EPS8L3: variants seen among roughly 807,000 people sequenced by gnomAD.
EPS8L3 encodes the protein epidermal growth factor receptor kinase substrate 8-like protein 3.
EPS8L3 carries 80 observed loss-of-function variants against 88.5 expected under a neutral mutation model. The observed-to-expected ratio is 0.90, with a 90% CI of 0.75 to 1.09. The LOEUF (loss-of-function observed/expected upper bound fraction) is 1.09, where lower values mean the gene tolerates loss of function less well. Among genes scored for constraint, EPS8L3 ranks in the 50% least tolerant of loss-of-function variants. EPS8L3 has a pLI of 0.00. For synonymous variants in EPS8L3, 286 were observed against 291.0 expected (o/e 0.98, Z 0.18); for missense variants, 721 against 735.2 (o/e 0.98, Z 0.22).
At position 109,758,380 on chromosome 1, in the gene EPS8L3, G is replaced by C. The variant is rs758638243; in HGVS notation, c.653C>G (p.Pro218Arg). 3.7e-6 allele frequency: 6 copies of C among 1,613,104 alleles called. No homozygotes were observed. The highest frequency in any genetic ancestry group is 4.2e-6 in the Non-Finnish European group (5 of 1,179,640). Residue 218 changes from proline (P) to arginine (R), a missense_variant, in exon 8 of 19, where the codon CCA becomes CGA. Transcript: ENST00000361965. Reference sequence around the variant, plus strand: ...TGGAGGAGGCAGAGTAAAGGCACTTGGTTCTCGGGCACTGGTGTGGCGTGG... The same window carrying C: ...TGGAGGAGGCAGAGTAAAGGCACTTCGTTCTCGGGCACTGGTGTGGCGTGG... ...PLPRHTSAREPSAFTLPPPRR... is the reference protein window; with the variant it reads ...PLPRHTSARERSAFTLPPPRR...
Position 109,759,899 on chromosome 1 carries a change from C to T in EPS8L3, c.97-63G>A. 6.4e-7 allele frequency: 1 copy of T among 1,561,078 alleles called. No homozygotes were observed. The highest frequency in any genetic ancestry group is 8.7e-7 in the Non-Finnish European group (1 of 1,145,980). ...CTCAGAGAGGTGGACCACAGGCGTG[C>T]TGGGTAGAGAAAAGCAGAAGAGGAA... is the stretch of plus-strand genomic sequence containing the variant. On this transcript the variant is annotated intron_variant, in intron 3 of 18. Coordinates refer to ENST00000361965, the MANE Select transcript of EPS8L3 (RefSeq NM_133181.4). The surrounding 1 kb of genome is among the most constrained non-coding windows in gnomAD (Gnocchi z 4.2).
intron 10 of EPS8L3, 121 bp from the exon 11 acceptor site, chr1:109,757,676 G>T: frequency 7.2e-7 from 1 of 1,390,952 alleles, no homozygotes; most frequent in South Asian, 1.2e-5. Flanking sequence ...CAAGAGGGGA[G>T]GGGAGGTTCT....
At chr1:109,757,419 C>T in intron 11 of EPS8L3, 62 bp downstream of exon 11, 2 of 1,507,864 alleles carry the variant, frequency 1.3e-6, no homozygotes, top group Non-Finnish European at 1.8e-6. Flanking sequence ...CTCCTTTCCT[C>T]TCTCTACTCC....
In EPS8L3 at chr1:109,759,034, A is replaced by G. The variant is rs1650607130; in HGVS notation, c.461+28T>C. On this transcript the variant is annotated intron_variant, in intron 6 of 18. Transcript: ENST00000361965. The surrounding 1 kb of genome is among the most constrained non-coding windows in gnomAD (Gnocchi z 4.2). ...CCCCGAGGCTGAGCTGGGAGGCCCC[A>G]TAGGTGGGCTGGGCAGAGGCTGCCT... 3.8e-6 allele frequency: 6 copies of G among 1,581,074 alleles called. No homozygotes were observed. The highest frequency in any genetic ancestry group is 1.3e-5 in the African/African-American group (1 of 74,546).
At chr1:109,755,614 G>GA (rs1167364019) in intron 12 of EPS8L3, among the ~76,000 whole-genome samples, 3 of 152,042 alleles carry the variant, frequency 2.0e-5, no homozygotes, top group Non-Finnish European at 4.4e-5. Context: ...AGACCAGCCT[G>GA]AGCAACATGG....
At chr1:109,755,848 A>G (rs990734201) in intron 12 of EPS8L3, among the ~76,000 whole-genome samples, 1 of 152,166 alleles carries the variant, frequency 6.6e-6, no homozygotes, top group African/African-American at 2.4e-5. Flanking sequence ...TTATTAGGCA[A>G]ATAACTCCAA....
Position 109,750,397 on chromosome 1 carries a change from GC to G in EPS8L3, c.1775del (p.Ser592ThrfsTer22), listed in dbSNP as rs771352122. The G allele has an allele frequency of 6.8e-5, 109 of 1,613,766 alleles. No individual in the cohort carries two copies. Among genetic ancestry groups the G allele is most frequent in the Non-Finnish European group, 9.3e-6 (11 of 1,179,884 alleles). On this transcript the variant is annotated frameshift_variant, in exon 19 of 19. Transcript: ENST00000361965. LOFTEE classifies it high-confidence loss of function. The stretch of plus-strand genomic sequence containing the variant: ...GAGGTGTCTAAGCTGGTGCCTAAGG[GC>G]TTATCTGAGGAAAGACAAAGATTCA... ...LEAVRRMLGI[S>X]P
chr1:109,757,988 G>A lies in EPS8L3; in HGVS notation c.788C>T (p.Thr263Ile). The A allele has an allele frequency of 1.2e-6, 2 of 1,614,146 alleles. No homozygotes were observed. The highest frequency in any genetic ancestry group is 8.5e-7 in the Non-Finnish European group (1 of 1,180,026). ...MGKLEKAQAKTSRKKKFGKKN... is the reference protein window; with the variant it reads ...MGKLEKAQAKISRKKKFGKKN... The stretch of plus-strand genomic sequence containing the variant: ...TTTCCCAAATTTCTTCTTCCTGCTG[G>A]TCTTTGCCTGGGCCTTCTCCAGCTT... Residue 263 changes from threonine to isoleucine, a missense_variant, in exon 9 of 19, where the codon ACC becomes ATC. Thr to Ile is a moderately conservative substitution (Grantham distance 89). Transcript: ENST00000361965.
chr1:109,750,144 A>G lies in EPS8L3; in HGVS notation c.*247T>C. The stretch of plus-strand genomic sequence containing the variant: ...GAACAGATTCTTGACAAGCCTAGGC[A>G]TAAATGCTCCAGGTTTGGGAAAGAG... On this transcript the variant is annotated 3_prime_UTR_variant, in exon 19 of 19. Coordinates refer to ENST00000361965, the MANE Select transcript of EPS8L3 (RefSeq NM_133181.4). 1 of 580,692 alleles carries G rather than the reference A, an allele frequency of 1.7e-6. No homozygotes were observed. The highest frequency in any genetic ancestry group is 3.1e-6 in the Non-Finnish European group (1 of 325,984). The allele number at this position is 580,692 out of a possible 1,614,324, so 36.0% of individuals were successfully genotyped here.
chr1:109,755,336 A>G (rs1161950101), intron 12 of EPS8L3, among the ~76,000 whole-genome samples: 3 of 152,228 alleles, frequency 2.0e-5, no homozygotes, highest in Non-Finnish European at 4.4e-5. Context: ...GGTGGCACAC[A>G]TTGTTAATGA....
At chr1:109,758,769 G>T in intron 6 of EPS8L3, 106 bp from the exon 7 acceptor site, 1 of 1,394,814 alleles carries the variant, frequency 7.2e-7, no homozygotes, top group Non-Finnish European at 9.6e-7. Context: ...CTCTCTCCAG[G>T]AGTCCCACCC....
chr1:109,760,110 G>A (rs975449907), intron 3 of EPS8L3, among the ~76,000 whole-genome samples: 8 of 152,150 alleles, frequency 5.3e-5, no homozygotes, highest in Admixed American at 3.9e-4. Context: ...GCCTTTACTA[G>A]TCCAGGCCAG....
At chr1:109,763,567 A>G (rs566224447) in intron 1 of EPS8L3, among the ~76,000 whole-genome samples, 58 of 152,186 alleles carry the variant, frequency 3.8e-4, no homozygotes, top group African/African-American at 1.4e-3. Flanking sequence ...AGGGGTTTGG[A>G]GCAGGGAAGG....
At chr1:109,761,901 C>T in intron 1 of EPS8L3, 128 bp from the exon 2 acceptor site, 1 of 765,444 alleles carries the variant, frequency 1.3e-6, no homozygotes, top group South Asian at 1.6e-5. Context: ...CCCCTGGCTC[C>T]AGGGGCCCTT....
chr1:109,760,196 C>T (rs1002214827), intron 3 of EPS8L3, among the ~76,000 whole-genome samples: 3 of 152,134 alleles, frequency 2.0e-5, no homozygotes, highest in Admixed American at 2.0e-4. Flanking sequence ...ATACAGGACC[C>T]TCAGATTCTG....
Position 109,750,654 on chromosome 1 carries a change from C to A in EPS8L3, c.1770+6G>T. The A allele has an allele frequency of 6.2e-7, 1 of 1,614,138 alleles. No homozygotes were observed. Among genetic ancestry groups the A allele is most frequent in the South Asian group, 1.1e-5 (1 of 91,078 alleles). ...AATGGTTGTCAGGACCCCAGGGTGT[C>A]CTCACCCCCAGCATCCTTCTGACAG... On this transcript the variant is annotated splice_donor_region_variant and intron_variant, in intron 18 of 18. Coordinates refer to ENST00000361965, the MANE Select transcript of EPS8L3 (RefSeq NM_133181.4).
At chr1:109,757,640 G>A in intron 10 of EPS8L3, 85 bp from the exon 11 acceptor site, 1 of 1,454,078 alleles carries the variant, frequency 6.9e-7, no homozygotes, top group East Asian at 2.4e-5. Context: ...TGCCTTGGCT[G>A]GAAGGCTGGC....
intron 12 of EPS8L3, among the ~76,000 whole-genome samples, chr1:109,756,013 C>G (rs7537620): frequency 6.6e-6 from 1 of 152,170 alleles, no homozygotes; most frequent in African/African-American, 2.4e-5. Context: ...TTGCCAAGGC[C>G]CTTGCCTCTT....
At chr1:109,758,129 C>G (rs1024234148) in intron 8 of EPS8L3, 71 bp from the exon 9 acceptor site, 5 of 1,418,654 alleles carry the variant, frequency 3.5e-6, no homozygotes, top group Middle Eastern at 4.4e-4. Context: ...CACTGCCCCC[C>G]GCACCCCTCC....
Sources: allele counts gnomAD v4.1 joint callset (sites outside exome capture counted in the v4.1 genomes callset), GRCh38; gene constraint gnomAD v4.1.1; non-coding constraint Gnocchi (gnomAD v3.1); transcripts MANE v1.5; gene names NCBI Gene and HGNC (gene_info 2026-07-23, HGNC 2026-07-21).